HDAC4: variants seen among roughly 807,000 people sequenced by gnomAD.
The protein encoded by HDAC4 is histone deacetylase 4, also known as histone deacetylase A.
Under a neutral mutation model 135.1 loss-of-function variants are expected in HDAC4, and 16 were observed. That is an observed-to-expected ratio of 0.12 (90% CI 0.08 to 0.18). The LOEUF (loss-of-function observed/expected upper bound fraction) is 0.18, where lower values mean the gene tolerates loss of function less well. Ranked by LOEUF, HDAC4 falls within the 10% of genes least tolerant of loss-of-function variation. The probability of loss-of-function intolerance (pLI) is 1.00; values close to 1 mark genes in which losing one functional copy is unlikely to be tolerated. For missense variants in HDAC4, 1,143 were observed against 1,511.8 expected (o/e 0.76, Z 4.05); for synonymous variants, 685 against 653.4 (o/e 1.05, Z -0.74).
intron 4 of HDAC4, chr2:239,187,190 T>C (rs1465393134): frequency 2.0e-5 from 3 of 152,528 alleles, no homozygotes; most frequent in African/African-American, 7.2e-5. Context: ...CCGGAGTGAG[T>C]GAGTGGTCCT....
intron 15 of HDAC4, among the ~76,000 whole-genome samples, chr2:239,107,350 A>G (rs2038243316): frequency 6.6e-6 from 1 of 152,222 alleles, no homozygotes; most frequent in African/African-American, 2.4e-5. Flanking sequence ...CCCTCCTTGT[A>G]TGAGAACAAG....
chr2:239,177,665 A>G (rs948115763), intron 4 of HDAC4, among the ~76,000 whole-genome samples: 14 of 152,246 alleles, frequency 9.2e-5, no homozygotes, highest in Admixed American at 7.8e-4. Context: ...GTTTGTCTTA[A>G]TAACAAAAGG....
chr2:239,226,493 G>C (rs2047247248), intron 3 of HDAC4, among the ~76,000 whole-genome samples: 1 of 152,128 alleles, frequency 6.6e-6, no homozygotes, highest in Admixed American at 6.5e-5. Flanking sequence ...TGGATGTGTG[G>C]ACGGTTTTAG....
chr2:239,152,068 C>T (rs1356202056), intron 7 of HDAC4, among the ~76,000 whole-genome samples: 3 of 152,190 alleles, frequency 2.0e-5, no homozygotes, highest in African/African-American at 4.8e-5. Context: ...AAAAAATACA[C>T]GGTGACTAAT....
chr2:239,113,823 G>A lies in HDAC4; in HGVS notation c.1791+1230C>T, dbSNP rs555918865. Among the ~76,000 whole-genome samples, 671 of 152,212 alleles carry A rather than the reference G, an allele frequency of 4.4e-3. 4 individuals carry two copies. The highest frequency in any genetic ancestry group is 7.1e-3 in the Non-Finnish European group (486 of 68,016). On this transcript the variant is annotated intron_variant, in intron 13 of 26. Transcript: ENST00000543185. ...CACCGTGTGTGTGCCAGAGAGGCCCGGGGCTTTCTCTCTCTGTCTTTGCCA... is the reference window on the plus strand; with the variant it reads ...CACCGTGTGTGTGCCAGAGAGGCCCAGGGCTTTCTCTCTCTGTCTTTGCCA...
chr2:239,189,900 G>T lies in HDAC4; in HGVS notation c.272C>A (p.Ala91Asp). 6.2e-7 allele frequency: 1 copy of T among 1,611,130 alleles called. No individual in the cohort carries two copies. Among genetic ancestry groups the T allele is most frequent in the Non-Finnish European group, 8.5e-7 (1 of 1,179,904 alleles). The change falls in exon 4 of 27, where the codon GCT becomes GAT. Residue 91 changes from alanine to aspartate, a missense_variant. By Grantham distance (126) the Ala-to-Asp change is moderately radical. Coordinates refer to ENST00000543185, the MANE Select transcript of HDAC4 (RefSeq NM_001378414.1). ...KQQIQRQILI[A>D]EFQRQHEQLS... Reference sequence around the variant, plus strand: ...CTGCTCGTGCTGCCTCTGGAACTCAGCGATGAGGATCTGCCTCTGGATCTG... The same window carrying T: ...CTGCTCGTGCTGCCTCTGGAACTCATCGATGAGGATCTGCCTCTGGATCTG...
At chr2:239,162,044 G>A (rs1028980155) in intron 6 of HDAC4, 5 of 443,032 alleles carry the variant, frequency 1.1e-5, no homozygotes, top group South Asian at 3.2e-5. Context: ...GCGAGGGGGC[G>A]CCAGCTCCCC....
intron 2 of HDAC4, among the ~76,000 whole-genome samples, chr2:239,239,928 G>A (rs1300575991): frequency 6.6e-6 from 1 of 152,236 alleles, no homozygotes; most frequent in East Asian, 1.9e-4. Context: ...AGTGCCGGAC[G>A]CTAACCCCAC....
chr2:239,159,673 C>T (rs2042664722), intron 6 of HDAC4, among the ~76,000 whole-genome samples: 1 of 152,154 alleles, frequency 6.6e-6, no homozygotes, highest in Admixed American at 6.5e-5. Context: ...ACCCCGGCCA[C>T]AGCCCACACT....
intron 3 of HDAC4, among the ~76,000 whole-genome samples, chr2:239,208,326 CAAAAAAAAAAAA>C (rs759398313): frequency 1.9e-4 from 13 of 68,212 alleles, no homozygotes; most frequent in African/African-American, 1.1e-3. Flanking sequence ...GACTCCGTCC[CAAAAAAAAAAAA>C]AAAAAAAAAA....
chr2:239,165,972 T>C (rs551157427), intron 5 of HDAC4, among the ~76,000 whole-genome samples: 1 of 152,210 alleles, frequency 6.6e-6, no homozygotes, highest in Admixed American at 6.5e-5. Flanking sequence ...CTCACTCTGA[T>C]GGCTCAGAAA....
At chr2:239,335,180 A>G (rs1354988011) in intron 2 of HDAC4, among the ~76,000 whole-genome samples, 5 of 152,230 alleles carry the variant, frequency 3.3e-5, no homozygotes, top group African/African-American at 1.2e-4. Flanking sequence ...ACTGGTACAC[A>G]GATATGCAAA....
rs981645101 is a variant in HDAC4 at position 239,398,580 on chromosome 2, C to T, written c.-220+2398G>A. On this transcript the variant is annotated intron_variant, in intron 1 of 26. Transcript: ENST00000543185. ...TCAACGAGGTCTCTGGCCACAGAGT[C>T]CAGATGGGCTGCCTGAGCCGCACGT... Among the ~76,000 whole-genome samples the T allele has an allele frequency of 3.3e-5, 5 of 152,256 alleles. No individual in the cohort carries two copies. In the South Asian group the frequency reaches 1.0e-3, roughly 32 times the overall value.
intron 6 of HDAC4, chr2:239,161,760 C>A (rs1272189042): frequency 2.4e-6 from 1 of 419,210 alleles, no homozygotes; most frequent in Non-Finnish European, 4.7e-6. Flanking sequence ...GAACACCCAG[C>A]TCACCCAGGG....
At chr2:239,292,493 C>G (rs929411211) in intron 2 of HDAC4, among the ~76,000 whole-genome samples, 1 of 152,194 alleles carries the variant, frequency 6.6e-6, no homozygotes, top group Non-Finnish European at 1.5e-5. Context: ...GTGACCCCAC[C>G]ACTCCAGCGA....
chr2:239,186,552 T>A (rs2044561609), intron 4 of HDAC4: 1 of 152,252 alleles, frequency 6.6e-6, no homozygotes, highest in Non-Finnish European at 1.5e-5. Context: ...TTTGAGACCC[T>A]GGCCCAGAGA....
chr2:239,064,529 G>A (rs915630847), intron 24 of HDAC4, among the ~76,000 whole-genome samples: 3 of 152,174 alleles, frequency 2.0e-5, no homozygotes, highest in African/African-American at 4.8e-5. Context: ...GTGCTGTGGC[G>A]GCCTGGGGCC....
chr2:239,072,284 T>C (rs567257848), intron 22 of HDAC4, among the ~76,000 whole-genome samples: 1 of 152,370 alleles, frequency 6.6e-6, no homozygotes, highest in South Asian at 2.1e-4. Flanking sequence ...TTGAAACCCA[T>C]GCAGTTTTTT....
At chr2:239,113,464 G>A (rs555314351) in intron 13 of HDAC4, among the ~76,000 whole-genome samples, 105 of 152,312 alleles carry the variant, frequency 6.9e-4, no homozygotes, top group African/African-American at 2.4e-3. Flanking sequence ...GAGGTGCCCC[G>A]CCTTATGTTT....
Sources: allele counts gnomAD v4.1 joint callset (sites outside exome capture counted in the v4.1 genomes callset), GRCh38; gene constraint gnomAD v4.1.1; transcripts MANE v1.5; gene names NCBI Gene and HGNC (gene_info 2026-07-23, HGNC 2026-07-21).